Variants in EFCAB6 observed in about 807,000 individuals in gnomAD.
The protein encoded by EFCAB6 is EF-hand calcium-binding domain-containing protein 6.
In EFCAB6, 156 loss-of-function variants were observed where a neutral mutation model predicts 169.8. The observed-to-expected ratio is 0.92, with a 90% CI of 0.81 to 1.05. The LOEUF is 1.05. EFCAB6 is among the 50% of genes least tolerant of loss of function. EFCAB6 has a pLI of 0.00. For synonymous variants in EFCAB6, 698 were observed against 676.4 expected (o/e 1.03, Z -0.50); for missense variants, 1,800 against 1,829.1 (o/e 0.98, Z 0.29).
chr22:43,788,990 A>G (rs1200795266), intron 2 of EFCAB6, among the ~76,000 whole-genome samples: 2 of 152,228 alleles, frequency 1.3e-5, no homozygotes, highest in African/African-American at 4.8e-5. Flanking sequence ...CACATACTGT[A>G]TCATTCCATT....
Position 43,711,635 on chromosome 22 carries a change from T to A in EFCAB6, c.883-12A>T. ...TAAGACTTCGAAAGCTGCAATAAAT[T>A]GAAATTAGAGTGTGGCGTTCATAAA... On this transcript the variant is annotated splice_polypyrimidine_tract_variant and intron_variant, in intron 9 of 31. Transcript: ENST00000262726. 6.3e-7 allele frequency: 1 copy of A among 1,576,392 alleles called. No homozygotes were observed. Among genetic ancestry groups the A allele is most frequent in the African/African-American group, 1.4e-5 (1 of 72,194 alleles).
At chr22:43,802,953 A>C (rs1262095672) in intron 2 of EFCAB6, among the ~76,000 whole-genome samples, 2 of 152,238 alleles carry the variant, frequency 1.3e-5, no homozygotes, top group Non-Finnish European at 2.9e-5. Flanking sequence ...AACTAGACTG[A>C]TGTGGAAAAA....
intron 10 of EFCAB6, among the ~76,000 whole-genome samples, chr22:43,704,419 AC>A (rs2058879546): frequency 6.6e-6 from 1 of 152,224 alleles, no homozygotes; most frequent in South Asian, 2.1e-4. Flanking sequence ...CATAAAAGTT[AC>A]AAAAACACAA....
Position 43,796,101 on chromosome 22 carries a change from T to C in EFCAB6, c.-8+12894A>G, listed in dbSNP as rs75942119. On this transcript the variant is annotated intron_variant, in intron 2 of 31. Transcript: ENST00000262726. ...CACATGTCCTTCTACTCCTGTATTT[T>C]ATTGATGAGTCTCTCTTTTTCCCAC... Among the ~76,000 whole-genome samples, 245 of 152,108 alleles carry C rather than the reference T, an allele frequency of 1.6e-3. 1 individual carries two copies. The highest frequency in any genetic ancestry group is 5.4e-3 in the African/African-American group (222 of 41,494).
chr22:43,764,761 T>C (rs2061272979), intron 5 of EFCAB6, among the ~76,000 whole-genome samples: 1 of 152,062 alleles, frequency 6.6e-6, no homozygotes, highest in Non-Finnish European at 1.5e-5. Flanking sequence ...TACACTAAAA[T>C]AAATAATTTT....
At chr22:43,566,698 G>C (rs572364700) in intron 26 of EFCAB6, among the ~76,000 whole-genome samples, 1 of 152,182 alleles carries the variant, frequency 6.6e-6, no homozygotes, top group South Asian at 2.1e-4. Flanking sequence ...GAAGCCTCCT[G>C]AAAATCCCAA....
chr22:43,634,752 G>A (rs1315702004), intron 18 of EFCAB6, among the ~76,000 whole-genome samples: 1 of 152,126 alleles, frequency 6.6e-6, no homozygotes, highest in Non-Finnish European at 1.5e-5. Context: ...TAATATTCGT[G>A]TTGCCTGTGT....
At chr22:43,549,885 T>C (rs947913605) in intron 27 of EFCAB6, among the ~76,000 whole-genome samples, 23 of 152,254 alleles carry the variant, frequency 1.5e-4, no homozygotes, top group Middle Eastern at 3.2e-3. Context: ...TAATCCGCTA[T>C]ATTGAGAAAT....
intron 17 of EFCAB6, among the ~76,000 whole-genome samples, chr22:43,664,828 A>G (rs1261040111): frequency 6.6e-6 from 1 of 152,018 alleles, no homozygotes; most frequent in Non-Finnish European, 1.5e-5. Context: ...GTGTTTGAGG[A>G]GCCCTCGGTG....
intron 13 of EFCAB6, among the ~76,000 whole-genome samples, chr22:43,674,336 A>G (rs2057627935): frequency 6.6e-6 from 1 of 152,188 alleles, no homozygotes; most frequent in South Asian, 2.1e-4. Context: ...CCTATAGTAC[A>G]ATGGGCAGTG....
chr22:43,606,595 C>G (rs2052933086), intron 22 of EFCAB6, among the ~76,000 whole-genome samples: 1 of 152,174 alleles, frequency 6.6e-6, no homozygotes, highest in Admixed American at 6.5e-5. Context: ...AGCTAAGTAA[C>G]TTGATGGAGG....
intron 27 of EFCAB6, among the ~76,000 whole-genome samples, chr22:43,550,807 T>G (rs1034928084): frequency 2.0e-5 from 3 of 152,170 alleles, no homozygotes; most frequent in Middle Eastern, 3.2e-3. Context: ...GTGGGTCTAT[T>G]GTCTTAAGCA....
At position 43,528,914 on chromosome 22, in the gene EFCAB6, T is replaced by C; in HGVS notation, c.4445A>G (p.Tyr1482Cys). Residue 1482 changes from tyrosine (Y) to cysteine (C), a missense_variant, in exon 32 of 32, where the codon TAC (tyrosine) becomes TGC (cysteine). By Grantham distance (194) the Tyr-to-Cys change is radical (BLOSUM62 -2). Coordinates refer to ENST00000262726, the MANE Select transcript of EFCAB6 (RefSeq NM_022785.4). ...EEEFFHILEY[Y>C]DKTLSSKISY... Reference sequence around the variant, plus strand: ...GATTTTTGAAGACAGCGTCTTATCGTAATACTCCAGAATATGGAAGAACTC... The same window carrying C: ...GATTTTTGAAGACAGCGTCTTATCGCAATACTCCAGAATATGGAAGAACTC... 1 of 1,611,472 alleles carries C rather than the reference T, an allele frequency of 6.2e-7. No individual in the cohort carries two copies.
intron 10 of EFCAB6, among the ~76,000 whole-genome samples, chr22:43,706,917 T>G (rs1569421000): frequency 1.3e-5 from 2 of 152,232 alleles, no homozygotes; most frequent in Non-Finnish European, 2.9e-5. Context: ...AAGACTGGAA[T>G]AAATCTATCA....
intron 6 of EFCAB6, 103 bp downstream of exon 6, chr22:43,755,662 CG>C: frequency 9.6e-7 from 1 of 1,043,054 alleles, no homozygotes; most frequent in South Asian, 1.8e-5. Flanking sequence ...CATGAGAACT[CG>C]GATGACAAGG....
intron 4 of EFCAB6, among the ~76,000 whole-genome samples, chr22:43,772,314 G>A (rs2061497111): frequency 6.6e-6 from 1 of 152,192 alleles, no homozygotes; most frequent in Non-Finnish European, 1.5e-5. Context: ...AATAGAAGTT[G>A]ACCCAAATAC....
At chr22:43,725,436 C>A (rs765168828) in intron 8 of EFCAB6, among the ~76,000 whole-genome samples, 1 of 152,128 alleles carries the variant, frequency 6.6e-6, no homozygotes, top group African/African-American at 2.4e-5. Flanking sequence ...CCACTGCACC[C>A]GGCCCAAACT....
intron 20 of EFCAB6, among the ~76,000 whole-genome samples, chr22:43,618,969 C>T (rs550244556): frequency 2.3e-4 from 35 of 151,498 alleles, no homozygotes; most frequent in Admixed American, 1.4e-3. Flanking sequence ...ATGAGACATG[C>T]GGAGCAGCAC....
chr22:43,718,564 C>A (rs1031909525), intron 8 of EFCAB6, among the ~76,000 whole-genome samples: 1 of 152,210 alleles, frequency 6.6e-6, no homozygotes, highest in African/African-American at 2.4e-5. Flanking sequence ...GGGCAGATCA[C>A]CTGAGGTCAG....
Sources: allele counts gnomAD v4.1 joint callset (sites outside exome capture counted in the v4.1 genomes callset), GRCh38; gene constraint gnomAD v4.1.1; transcripts MANE v1.5; gene names NCBI Gene and HGNC (gene_info 2026-07-23, HGNC 2026-07-21).